Variants in DLG2 observed in about 807,000 individuals in gnomAD.
The protein encoded by DLG2 is disks large homolog 2.
In DLG2, 45 loss-of-function variants were observed where a neutral mutation model predicts 132.5. The ratio of observed to expected loss-of-function variants is 0.34; its 90% confidence interval spans 0.27 to 0.44. The LOEUF (loss-of-function observed/expected upper bound fraction) is 0.44. DLG2 is among the 20% of genes least tolerant of loss of function. DLG2 has a pLI of 1.00. For missense variants in DLG2, 1,045 were observed against 1,196.9 expected, an observed-to-expected ratio of 0.87 and a Z score of 1.87; for synonymous variants, 424 against 419.6, an observed-to-expected ratio of 1.01 and a Z score of -0.13.
chr11:84,640,206 G>GT (rs1817520531), intron 6 of DLG2: 1 of 282,762 alleles, frequency 3.5e-6, no homozygotes, highest in African/African-American at 2.3e-5. Context: ...TGTACTCTTT[G>GT]TAGTCATGCA....
At chr11:85,158,504 C>T (rs547450154) in intron 4 of DLG2, among the ~76,000 whole-genome samples, 38 of 152,142 alleles carry the variant, frequency 2.5e-4, no homozygotes, top group African/African-American at 4.6e-4. Context: ...GAGGTCCAGA[C>T]GATACATTCT....
At chr11:84,847,693 A>T (rs1483625285) in intron 6 of DLG2, among the ~76,000 whole-genome samples, 2 of 152,152 alleles carry the variant, frequency 1.3e-5, no homozygotes, top group Non-Finnish European at 2.9e-5. Flanking sequence ...TAAATATTTG[A>T]TTAAGTCTCA....
At chr11:84,437,580 C>G (rs1356785398) in intron 7 of DLG2, 1 of 152,152 alleles carries the variant, frequency 6.6e-6, no homozygotes. Context: ...GTTGCTTTCT[C>G]AGTTCCTCTC....
chr11:84,626,329 A>G (rs1479007440), intron 6 of DLG2, among the ~76,000 whole-genome samples: 2 of 152,154 alleles, frequency 1.3e-5, no homozygotes, highest in Non-Finnish European at 2.9e-5. Context: ...ACTTCAAGAC[A>G]CAACACTCCT....
At chr11:84,296,411 A>G (rs2098089385) in intron 7 of DLG2, among the ~76,000 whole-genome samples, 2 of 152,082 alleles carry the variant, frequency 1.3e-5, no homozygotes, top group Non-Finnish European at 2.9e-5. Context: ...AATGAACCCA[A>G]TGGATGTGTT....
chr11:85,181,803 A>G lies in DLG2; in HGVS notation c.187-27152T>C, dbSNP rs192343823. Among the ~76,000 whole-genome samples, 141 of 151,754 alleles carry G rather than the reference A, an allele frequency of 9.3e-4. 1 individual carries two copies. Among genetic ancestry groups the G allele is most frequent in the African/African-American group, 3.3e-3 (137 of 41,466 alleles). ...TCTAAATATCTTCTCTATTAGCTCG[A>G]TATTTTCAACCAGGCTTCATCCTAG... On this transcript the variant is annotated intron_variant, in intron 4 of 27. Coordinates refer to ENST00000376104, the MANE Select transcript of DLG2 (RefSeq NM_001142699.3).
At chr11:84,503,532 T>C (rs1161625649) in intron 7 of DLG2, among the ~76,000 whole-genome samples, 2 of 152,198 alleles carry the variant, frequency 1.3e-5, no homozygotes, top group African/African-American at 4.8e-5. Flanking sequence ...ACCAAGCTTC[T>C]TGGCTTTCCA....
intron 3 of DLG2, among the ~76,000 whole-genome samples, chr11:85,583,130 GTATATATATATATATATA>G (rs3068386): frequency 1.3e-3 from 18 of 13,608 alleles, no homozygotes; most frequent in South Asian, 4.3e-3. Flanking sequence ...GTGTGTGTGT[GTATATATATATATATATA>G]TATATATATA....
chr11:84,611,768 A>G (rs1485780599), intron 6 of DLG2, among the ~76,000 whole-genome samples: 4 of 152,172 alleles, frequency 2.6e-5, no homozygotes, highest in Non-Finnish European at 4.4e-5. Flanking sequence ...CTCCAAAGAG[A>G]AATCAAAGAC....
chr11:84,246,050 T>C (rs538915739), intron 8 of DLG2, among the ~76,000 whole-genome samples: 2 of 152,340 alleles, frequency 1.3e-5, no homozygotes, highest in South Asian at 4.1e-4. Context: ...CCTGGATAGC[T>C]ACTGTCCCAC....
intron 8 of DLG2, among the ~76,000 whole-genome samples, chr11:84,196,930 G>T (rs569361598): frequency 1.3e-5 from 2 of 151,030 alleles, no homozygotes; most frequent in South Asian, 4.2e-4. Context: ...CCAGCTACAA[G>T]GGAGGCTGAG....
intron 15 of DLG2, among the ~76,000 whole-genome samples, chr11:83,917,911 C>T (rs2077191801): frequency 2.0e-5 from 3 of 152,124 alleles, no homozygotes; most frequent in African/African-American, 4.8e-5. Flanking sequence ...TCGATTCTGG[C>T]TGTTCTTGAA....
At chr11:84,085,089 A>G (rs556258421) in intron 10 of DLG2, among the ~76,000 whole-genome samples, 2 of 152,314 alleles carry the variant, frequency 1.3e-5, no homozygotes, top group African/African-American at 4.8e-5. Flanking sequence ...TGGTCATTTA[A>G]TTGTTAAGCT....
chr11:83,642,771 G>T (rs1410211887), intron 18 of DLG2, among the ~76,000 whole-genome samples: 1 of 152,118 alleles, frequency 6.6e-6, no homozygotes, highest in Non-Finnish European at 1.5e-5. Flanking sequence ...AGATAAATCT[G>T]ATTCATGTTT....
intron 6 of DLG2, among the ~76,000 whole-genome samples, chr11:84,670,596 AAAC>A (rs1490403798): frequency 6.6e-6 from 1 of 152,168 alleles, no homozygotes; most frequent in Non-Finnish European, 1.5e-5. Flanking sequence ...ATAATAATTC[AAAC>A]AACAATACAA....
intron 4 of DLG2, among the ~76,000 whole-genome samples, chr11:85,163,557 T>C (rs538846937): frequency 4.6e-5 from 7 of 152,252 alleles, no homozygotes; most frequent in Non-Finnish European, 8.8e-5. Flanking sequence ...AGTAGGAGTA[T>C]TCAATCTAAT....
intron 6 of DLG2, among the ~76,000 whole-genome samples, chr11:84,685,185 C>A (rs79699217): frequency 6.6e-6 from 1 of 152,190 alleles, no homozygotes; most frequent in Non-Finnish European, 1.5e-5. Flanking sequence ...TTTCTGACAA[C>A]CTATCCACCA....
intron 5 of DLG2, among the ~76,000 whole-genome samples, chr11:85,134,221 G>A (rs941824668): frequency 1.3e-5 from 2 of 150,526 alleles, no homozygotes; most frequent in African/African-American, 4.9e-5. Context: ...ATACTGGCAG[G>A]ACCATTTCCC....
At chr11:83,861,320 A>G (rs1164047654) in intron 16 of DLG2, among the ~76,000 whole-genome samples, 2 of 152,160 alleles carry the variant, frequency 1.3e-5, no homozygotes, top group Non-Finnish European at 2.9e-5. Flanking sequence ...AACAGTTTGG[A>G]TGTTCCTCAA....
Sources: gnomAD v4.1 joint callset for allele counts (sites outside exome capture counted in the v4.1 genomes callset) on GRCh38, gnomAD v4.1.1 for gene constraint, MANE v1.5 for transcripts, NCBI Gene and HGNC (gene_info 2026-07-23, HGNC 2026-07-21) for gene names.